Variants in CYP19A1 observed in about 807,000 individuals in gnomAD.
The protein encoded by CYP19A1 is aromatase.
A neutral mutation model predicts 44.4 loss-of-function variants in CYP19A1; 32 were observed. The observed-to-expected ratio is 0.72, with a 90% CI of 0.54 to 0.97. CYP19A1 has a LOEUF of 0.97. Among genes scored for constraint, CYP19A1 ranks in the 50% least tolerant of loss-of-function variants. CYP19A1 has a pLI of 0.00. For missense variants in CYP19A1, 598 were observed against 637.8 expected (o/e 0.94, Z 0.67); for synonymous variants, 212 against 215.6 (o/e 0.98, Z 0.14).
At position 51,335,284 on chromosome 15, in the gene CYP19A1, A is replaced by C. The variant is rs74016715; in HGVS notation, c.-39+3211T>G. ...GCTCCACGTCAAACAATGAGTGGGC[A>C]ACTCAAAGGTCTAAGACACTGCTAC... On this transcript the variant is annotated intron_variant, in intron 1 of 9. Transcript: ENST00000396402. Among the ~76,000 whole-genome samples the C allele has an allele frequency of 3.5e-3, 527 of 152,320 alleles. 5 individuals carry two copies. Among genetic ancestry groups the C allele is most frequent in the African/African-American group, 0.012 (504 of 41,552 alleles).
chr15:51,228,943 G>C (rs1198664188), intron 3 of CYP19A1, among the ~76,000 whole-genome samples: 1 of 152,132 alleles, frequency 6.6e-6, no homozygotes, highest in Non-Finnish European at 1.5e-5. Flanking sequence ...ATCTGCAATT[G>C]GTTCTCAGGT....
chr15:51,237,076 C>T (rs2033448390), intron 2 of CYP19A1, 67 bp from the exon 3 acceptor site: 1 of 1,569,036 alleles, frequency 6.4e-7, no homozygotes, highest in South Asian at 1.1e-5. Flanking sequence ...TTTTGTGTTA[C>T]TCCTGTTTTT....
intron 1 of CYP19A1, among the ~76,000 whole-genome samples, chr15:51,311,069 T>C (rs1463546731): frequency 6.6e-6 from 1 of 152,058 alleles, no homozygotes; most frequent in Non-Finnish European, 1.5e-5. Context: ...TAGTATACTA[T>C]ATGAAATGTC....
intron 1 of CYP19A1, among the ~76,000 whole-genome samples, chr15:51,276,113 T>G (rs2035300218): frequency 6.6e-6 from 1 of 152,204 alleles, no homozygotes; most frequent in African/African-American, 2.4e-5. Context: ...TTGAGACCAT[T>G]TATATGCAGG....
At chr15:51,242,230 G>T (rs532157251) in intron 2 of CYP19A1, 1 of 157,140 alleles carries the variant, frequency 6.4e-6, no homozygotes, top group Non-Finnish European at 1.4e-5. Flanking sequence ...CATAAGGGTC[G>T]AATGGGATCC....
At chr15:51,294,880 A>G (rs1176810833) in intron 1 of CYP19A1, among the ~76,000 whole-genome samples, 1 of 151,982 alleles carries the variant, frequency 6.6e-6, no homozygotes, top group African/African-American at 2.4e-5. Context: ...GGAATAGAAA[A>G]GGGGGAAAGG....
At chr15:51,326,312 G>C (rs1025559717) in intron 1 of CYP19A1, among the ~76,000 whole-genome samples, 4 of 152,146 alleles carry the variant, frequency 2.6e-5, no homozygotes, top group African/African-American at 7.2e-5. Context: ...CAGAGGCGAA[G>C]CTCTTCTAGA....
chr15:51,215,010 G>C, intron 8 of CYP19A1, 60 bp downstream of exon 8: 1 of 1,558,636 alleles, frequency 6.4e-7, no homozygotes, highest in Non-Finnish European at 8.7e-7. Flanking sequence ...TAGGACATAA[G>C]AAATGGACAT....
chr15:51,253,588 C>T (rs1595724748), intron 1 of CYP19A1, among the ~76,000 whole-genome samples: 1 of 152,250 alleles, frequency 6.6e-6, no homozygotes, highest in East Asian at 1.9e-4. Context: ...TGTCATTTCC[C>T]CACATTTTCT....
Position 51,253,217 on chromosome 15 carries a change from G to T in CYP19A1, c.-38-10267C>A, listed in dbSNP as rs139906320. Among the ~76,000 whole-genome samples, 6 of 152,318 alleles carry T rather than the reference G, an allele frequency of 3.9e-5. No homozygotes were observed. In the East Asian group the frequency reaches 9.7e-4, roughly 25 times the overall value. ...AGGAGGAAGAAACGAGATAAAGCCT[G>T]TTAGGGCCTTATCAGGTGTCTAGCA... On this transcript the variant is annotated intron_variant, in intron 1 of 9. Transcript: ENST00000396402.
chr15:51,317,233 C>A, intron 1 of CYP19A1, among the ~76,000 whole-genome samples: 1 of 152,004 alleles, frequency 6.6e-6, no homozygotes, highest in East Asian at 1.9e-4. Context: ...TCCCGAGTAG[C>A]TGGGACTACA....
intron 1 of CYP19A1, among the ~76,000 whole-genome samples, chr15:51,289,690 T>C (rs2035798786): frequency 6.6e-6 from 1 of 152,224 alleles, no homozygotes; most frequent in African/African-American, 2.4e-5. Context: ...TGAGGCAACC[T>C]TGTTAATCTT....
chr15:51,312,847 CCCCT>C (rs1185233366), intron 1 of CYP19A1: 1 of 152,272 alleles, frequency 6.6e-6, no homozygotes, highest in African/African-American at 2.4e-5. Context: ...TATCTTTCCT[CCCCT>C]CCCTCCAGCT....
At chr15:51,331,566 A>G (rs1342860590) in intron 1 of CYP19A1, among the ~76,000 whole-genome samples, 1 of 151,954 alleles carries the variant, frequency 6.6e-6, no homozygotes. Context: ...GAGCATATGT[A>G]TTTGTATGAC....
intron 1 of CYP19A1, among the ~76,000 whole-genome samples, chr15:51,305,056 C>A (rs553225266): frequency 6.6e-6 from 1 of 151,936 alleles, no homozygotes; most frequent in South Asian, 2.1e-4. Flanking sequence ...CCTGCCACCA[C>A]GCCCAGCTAA....
In CYP19A1 at chr15:51,298,966, A is replaced by G. The variant is rs2036056911; in HGVS notation, c.-39+39529T>C. On this transcript the variant is annotated intron_variant, in intron 1 of 9. Transcript: ENST00000396402. ...CCCACATGGCTAGTGGGAAGTTGGG[A>G]GAGGAGTGGCTGGGACCAGGCACCC... Among the ~76,000 whole-genome samples, 4 of 152,206 alleles carry G rather than the reference A, an allele frequency of 2.6e-5. 1 individual carries two copies. Among genetic ancestry groups the G allele is most frequent in the African/African-American group, 9.6e-5 (4 of 41,452 alleles).
intron 1 of CYP19A1, among the ~76,000 whole-genome samples, chr15:51,328,707 G>C (rs144652601): frequency 2.0e-5 from 3 of 152,242 alleles, no homozygotes; most frequent in Admixed American, 6.5e-5. Flanking sequence ...AGGGTGCCCA[G>C]ATATTTGGTC....
chr15:51,317,133 A>C (rs2036441381), intron 1 of CYP19A1, among the ~76,000 whole-genome samples: 1 of 144,544 alleles, frequency 6.9e-6, no homozygotes, highest in African/African-American at 2.6e-5. Context: ...ACAGAGTCTC[A>C]CTCTATCGCC....
At chr15:51,211,684 T>C (rs28757202) in intron 9 of CYP19A1, 1 of 437,888 alleles carries the variant, frequency 2.3e-6, no homozygotes, top group Non-Finnish European at 4.5e-6. Context: ...CTACACCATA[T>C]GCAAATTGAA....
Sources: allele counts gnomAD v4.1 joint callset (sites outside exome capture counted in the v4.1 genomes callset), GRCh38; gene constraint gnomAD v4.1.1; transcripts MANE v1.5; gene names NCBI Gene and HGNC (gene_info 2026-07-23, HGNC 2026-07-21).